The following DCC variants were observed in gnomAD, a reference collection of about 807,000 sequenced individuals.
DCC encodes the protein netrin receptor DCC.
Under a neutral mutation model 172.5 loss-of-function variants are expected in DCC, and 58 were observed. The observed-to-expected ratio is 0.34, with a 90% CI of 0.27 to 0.42. The LOEUF is 0.42. Ranked by LOEUF, DCC falls within the 10% of genes least tolerant of loss-of-function variation. The pLI, the probability that DCC is intolerant of heterozygous loss-of-function variation, is 1.00. For synonymous variants in DCC, 709 were observed against 644.5 expected (o/e 1.10, Z -1.52); for missense variants, 1,740 against 1,791.0 (o/e 0.97, Z 0.51).
chr18:52,633,017 G>A (rs1237996504), intron 1 of DCC, among the ~76,000 whole-genome samples: 1 of 152,024 alleles, frequency 6.6e-6, no homozygotes, highest in African/African-American at 2.4e-5. Flanking sequence ...TAACCTTTCT[G>A]TCAGTAAAAA....
At chr18:52,381,498 G>A (rs1187484293) in intron 1 of DCC, among the ~76,000 whole-genome samples, 3 of 152,100 alleles carry the variant, frequency 2.0e-5, no homozygotes, top group African/African-American at 4.8e-5. Context: ...AGGAGCAGGA[G>A]CAACATTGAG....
intron 27 of DCC, among the ~76,000 whole-genome samples, chr18:53,505,036 C>T (rs184219874): frequency 6.6e-6 from 1 of 152,154 alleles, no homozygotes; most frequent in African/African-American, 2.4e-5. Flanking sequence ...TAAAAGGGGT[C>T]TTCTAGGATC....
chr18:53,267,157 G>T (rs1044663271), intron 12 of DCC, among the ~76,000 whole-genome samples: 1 of 151,836 alleles, frequency 6.6e-6, no homozygotes, highest in South Asian at 2.1e-4. Flanking sequence ...TATAGAGAGA[G>T]AGAGAGAGAC....
Position 52,822,444 on chromosome 18 carries a change from T to G in DCC, c.412+70070T>G, listed in dbSNP as rs145798266. On this transcript the variant is annotated intron_variant, in intron 2 of 28. Transcript: ENST00000442544. ...AGTCTATTTATAGCTCAGAGTAAAC[T>G]AATAGCTGAGCTGAGAGGCCTTTTT... Among the ~76,000 whole-genome samples the G allele has an allele frequency of 4.9e-3, 754 of 152,328 alleles. 4 individuals are homozygous for G. Among genetic ancestry groups the G allele is most frequent in the Admixed American group, 8.8e-3 (135 of 15,308 alleles).
intron 22 of DCC, among the ~76,000 whole-genome samples, chr18:53,441,541 C>A (rs1162584268): frequency 6.6e-6 from 1 of 152,238 alleles, no homozygotes; most frequent in East Asian, 1.9e-4. Context: ...CCCTTTCACC[C>A]TTTCCCTCAT....
chr18:53,041,498 G>GT (rs201088552), intron 5 of DCC, among the ~76,000 whole-genome samples: 7 of 151,602 alleles, frequency 4.6e-5, no homozygotes, highest in East Asian at 3.9e-4. Context: ...GGCTATCCAG[G>GT]TTTTTTTTGG....
At chr18:53,518,836 A>C (rs1304853985) in intron 27 of DCC, among the ~76,000 whole-genome samples, 1 of 152,160 alleles carries the variant, frequency 6.6e-6, no homozygotes, top group Non-Finnish European at 1.5e-5. Context: ...TAAATTTGTC[A>C]ATTAGCCATG....
At position 52,867,514 on chromosome 18, in the gene DCC, T is replaced by G. The variant is rs190248430; in HGVS notation, c.413-38530T>G. Among the ~76,000 whole-genome samples the G allele has an allele frequency of 1.5e-3, 221 of 150,110 alleles. 1 individual carries two copies. The highest frequency in any genetic ancestry group is 4.9e-3 in the African/African-American group (201 of 41,050). ...GCTGTGAATCCTCCTGGTCTTGGGT[T>G]TTTTTTTTTGGGTGGTAGGCTATTA... On this transcript the variant is annotated intron_variant, in intron 2 of 28. Coordinates refer to ENST00000442544, the MANE Select transcript of DCC (RefSeq NM_005215.4).
chr18:53,450,358 A>G, intron 22 of DCC, 142 bp from the exon 23 acceptor site: 1 of 821,546 alleles, frequency 1.2e-6, no homozygotes, highest in Non-Finnish European at 2.0e-6. Context: ...TCATTTTTTC[A>G]TTGCTTCCCT....
chr18:52,914,288 A>G (rs1374545013), intron 3 of DCC, among the ~76,000 whole-genome samples: 1 of 152,132 alleles, frequency 6.6e-6, no homozygotes, highest in Non-Finnish European at 1.5e-5. Context: ...TTGCTGTGAG[A>G]CACAAGGGGT....
intron 1 of DCC, among the ~76,000 whole-genome samples, chr18:52,444,354 G>A (rs1284375714): frequency 6.6e-6 from 1 of 152,120 alleles, no homozygotes; most frequent in Non-Finnish European, 1.5e-5. Context: ...CCACTCACTG[G>A]AAGACTTCTA....
intron 4 of DCC, among the ~76,000 whole-genome samples, chr18:52,924,438 T>A (rs537455020): frequency 3.3e-5 from 5 of 152,154 alleles, no homozygotes; most frequent in African/African-American, 1.2e-4. Flanking sequence ...TTCAACTATA[T>A]CGCTCATATT....
At chr18:52,721,619 C>T (rs2036474961) in intron 1 of DCC, among the ~76,000 whole-genome samples, 1 of 152,178 alleles carries the variant, frequency 6.6e-6, no homozygotes, top group African/African-American at 2.4e-5. Context: ...AGGAGGACTT[C>T]ACTAAGGCAC....
chr18:52,987,734 C>T (rs925204635), intron 5 of DCC, among the ~76,000 whole-genome samples: 1 of 152,172 alleles, frequency 6.6e-6, no homozygotes, highest in African/African-American at 2.4e-5. Context: ...AGCATGGAAA[C>T]TTAGAGCAAT....
At chr18:53,329,704 A>C (rs2144844645) in intron 14 of DCC, among the ~76,000 whole-genome samples, 1 of 152,294 alleles carries the variant, frequency 6.6e-6, no homozygotes, top group South Asian at 2.1e-4. Flanking sequence ...AATTCTAATC[A>C]GAGTAAATTT....
chr18:53,440,840 G>T (rs1050021647), intron 22 of DCC, among the ~76,000 whole-genome samples: 1 of 152,142 alleles, frequency 6.6e-6, no homozygotes, highest in Non-Finnish European at 1.5e-5. Context: ...ACCTGACTTT[G>T]TAGAGCTTAG....
At chr18:52,649,753 C>A (rs1379609575) in intron 1 of DCC, among the ~76,000 whole-genome samples, 1 of 151,970 alleles carries the variant, frequency 6.6e-6, no homozygotes, top group South Asian at 2.1e-4. Flanking sequence ...TTTTTATGAC[C>A]AAATTGTATT....
chr18:53,426,650 C>CT (rs113072821), intron 21 of DCC, among the ~76,000 whole-genome samples: 64,806 of 150,082 alleles, frequency 0.43, 15,736 homozygotes, highest in Non-Finnish European at 0.56. Context: ...TGTTTGTTTT[C>CT]TTTTTTTTGA....
chr18:52,520,738 T>A (rs570688345), intron 1 of DCC, among the ~76,000 whole-genome samples: 70 of 151,974 alleles, frequency 4.6e-4, no homozygotes, highest in Admixed American at 1.4e-3. Flanking sequence ...ATTTTTTTTT[T>A]AATTTAGAAT....
Sources: allele counts gnomAD v4.1 joint callset (sites outside exome capture counted in the v4.1 genomes callset), GRCh38; gene constraint gnomAD v4.1.1; transcripts MANE v1.5; gene names NCBI Gene and HGNC (gene_info 2026-07-23, HGNC 2026-07-21).